The following CCAR1 variants were observed in gnomAD, a reference collection of about 807,000 sequenced individuals.
The protein encoded by CCAR1 is cell division cycle and apoptosis regulator protein 1.
In CCAR1, 78 loss-of-function variants were observed where a neutral mutation model predicts 163.8. That is an observed-to-expected ratio of 0.48 (90% CI 0.40 to 0.57). CCAR1 has a LOEUF of 0.57. Ranked by LOEUF, CCAR1 falls within the 20% of genes least tolerant of loss-of-function variation. The pLI is 0.00. For synonymous variants in CCAR1, 443 were observed against 460.7 expected, an observed-to-expected ratio of 0.96 and a Z score of 0.49; for missense variants, 1,019 against 1,365.2, an observed-to-expected ratio of 0.75 and a Z score of 4.00.
chr10:68,751,273 C>T (rs935635436), intron 10 of CCAR1, among the ~76,000 whole-genome samples: 2 of 151,776 alleles, frequency 1.3e-5, no homozygotes, highest in African/African-American at 2.4e-5. Flanking sequence ...GTGATCCAGT[C>T]GCCTCAGCCT....
intron 19 of CCAR1, among the ~76,000 whole-genome samples, chr10:68,780,226 T>A (rs928677069): frequency 3.3e-5 from 5 of 152,126 alleles, no homozygotes; most frequent in Admixed American, 2.6e-4. Context: ...TTCAAGACAG[T>A]CTTATTCTGT....
In CCAR1 at chr10:68,749,066, A is replaced by G. The variant is rs201076997; in HGVS notation, c.827-70A>G. 4.1e-4 allele frequency: 639 copies of G among 1,571,956 alleles called. 2 individuals are homozygous for G. Among genetic ancestry groups the G allele is most frequent in the Non-Finnish European group, 5.2e-4 (596 of 1,153,080 alleles). ...CTCAGTTATTTAACTTTGTTCCTCT[A>G]ATTTTATCAGGTAATGCCTTCGAAC... On this transcript the variant is annotated intron_variant, in intron 8 of 24. Transcript: ENST00000265872.
intron 17 of CCAR1, among the ~76,000 whole-genome samples, chr10:68,768,564 T>C (rs919670049): frequency 6.6e-6 from 1 of 152,238 alleles, no homozygotes; most frequent in Non-Finnish European, 1.5e-5. Flanking sequence ...TGAGCCAAGA[T>C]TGTGCCACTG....
intron 10 of CCAR1, 37 bp downstream of exon 10, chr10:68,749,722 T>A (rs1475468908): frequency 1.3e-6 from 2 of 1,495,036 alleles, no homozygotes; most frequent in African/African-American, 1.4e-5. Flanking sequence ...CTTGAGTTAC[T>A]AATTTCATAT....
intron 19 of CCAR1, among the ~76,000 whole-genome samples, chr10:68,774,253 A>G (rs1475591363): frequency 6.6e-6 from 1 of 152,106 alleles, no homozygotes. Context: ...GTCTTGAACT[A>G]CTGAGTTCAA....
chr10:68,751,920 G>GTTT (rs1161207615), intron 10 of CCAR1, among the ~76,000 whole-genome samples: 3 of 128,946 alleles, frequency 2.3e-5, no homozygotes, highest in East Asian at 4.6e-4. Context: ...TTTTGTTTTT[G>GTTT]TTTTTTTTTT....
chr10:68,729,866 A>T (rs193113817), intron 2 of CCAR1, among the ~76,000 whole-genome samples: 2 of 152,082 alleles, frequency 1.3e-5, no homozygotes, highest in East Asian at 3.9e-4. Context: ...TCCTGTGTGC[A>T]CCAACATGTT....
At chr10:68,749,770 A>G (rs900350539) in intron 10 of CCAR1, 85 bp downstream of exon 10, 7 of 1,201,526 alleles carry the variant, frequency 5.8e-6, no homozygotes, top group Admixed American at 2.1e-5. Flanking sequence ...TTTTTCTTGC[A>G]AGATTGATTT....
rs917044897 is a variant in CCAR1 at position 68,773,092 on chromosome 10, A to C, written c.2643A>C (p.Glu881Asp). 1 of 1,485,608 alleles carries C rather than the reference A, an allele frequency of 6.7e-7. No homozygotes were observed. The highest frequency in any genetic ancestry group is 1.4e-5 in the African/African-American group (1 of 70,984). The allele number at this position is 1,485,608 out of a possible 1,614,324, so 92.0% of individuals were successfully genotyped here. A position where few individuals can be genotyped will look rare whatever the true frequency, so the allele number is the denominator to read the frequency against. Reference protein sequence around the residue: ...DPMEAEEAEDEEDDRDEEEMT... With the variant: ...DPMEAEEAEDDEDDRDEEEMT... ...TGGAAGCAGAAGAAGCTGAGGATGA[A>C]GAAGATGGTATGATTGAAATTTATT... The change falls in exon 19 of 25, where the codon GAA becomes GAC. Residue 881 changes from glutamate (E) to aspartate (D), a missense_variant. Coordinates refer to ENST00000265872, the MANE Select transcript of CCAR1 (RefSeq NM_018237.4).
At chr10:68,725,227 G>T (rs555571426) in intron 2 of CCAR1, among the ~76,000 whole-genome samples, 3 of 152,224 alleles carry the variant, frequency 2.0e-5, no homozygotes, top group East Asian at 3.9e-4. Context: ...CACTTTGGGA[G>T]GCGGAGGTGG....
At chr10:68,787,599 G>GC (rs1344888961) in intron 21 of CCAR1, among the ~76,000 whole-genome samples, 1 of 152,114 alleles carries the variant, frequency 6.6e-6, no homozygotes, top group Non-Finnish European at 1.5e-5. Flanking sequence ...ACTTTGGGAG[G>GC]CGGAGGAGGG....
At chr10:68,723,894 T>A (rs2055900067) in intron 2 of CCAR1, among the ~76,000 whole-genome samples, 1 of 148,878 alleles carries the variant, frequency 6.7e-6, no homozygotes, top group African/African-American at 2.5e-5. Context: ...CGCGGTGGCT[T>A]GTGCCTGTAA....
At chr10:68,769,373 C>T (rs1048824884) in intron 17 of CCAR1, among the ~76,000 whole-genome samples, 2 of 152,228 alleles carry the variant, frequency 1.3e-5, no homozygotes, top group African/African-American at 4.8e-5. Flanking sequence ...GTAATCCCAG[C>T]ACTTCGGCAG....
Position 68,789,811 on chromosome 10 carries a change from T to TTA in CCAR1, c.3290_3291dup (p.Lys1098Ter). On this transcript the variant is annotated frameshift_variant, in exon 24 of 25. Coordinates refer to ENST00000265872, the MANE Select transcript of CCAR1 (RefSeq NM_018237.4). LOFTEE classifies it high-confidence loss of function. The stretch of plus-strand genomic sequence containing the variant: ...GGACCTTAGTCAGTTACAAGAAAAC[T>TTA]TAAAGATTTCGGAAAACATGAATTT... The TTA allele has an allele frequency of 6.2e-7, 1 of 1,608,332 alleles. No homozygotes were observed. Among genetic ancestry groups the TTA allele is most frequent in the Non-Finnish European group, 8.5e-7 (1 of 1,177,532 alleles).
intron 15 of CCAR1, chr10:68,759,561 CA>C (rs372147658): frequency 1.1e-3 from 153 of 140,474 alleles, no homozygotes; most frequent in Middle Eastern, 3.5e-3. Flanking sequence ...GACTCTCTAC[CA>C]AAAAAAAAAA....
intron 19 of CCAR1, among the ~76,000 whole-genome samples, chr10:68,780,376 A>G (rs1219303030): frequency 6.6e-6 from 1 of 152,130 alleles, no homozygotes; most frequent in Non-Finnish European, 1.5e-5. Context: ...TAAATTTTTT[A>G]TAGAGATGTG....
rs754002027 is a variant in CCAR1 at position 68,740,666 on chromosome 10, G to A, written c.324+5G>A. On this transcript the variant is annotated splice_donor_5th_base_variant and intron_variant, in intron 5 of 24. Transcript: ENST00000265872. The stretch of plus-strand genomic sequence containing the variant: ...CAGCAAACCCTCTTAACACAGGTTA[G>A]TTGGTATTACTTTATTTGTTTTGGA... The A allele has an allele frequency of 6.2e-7, 1 of 1,606,698 alleles. No homozygotes were observed. The highest frequency in any genetic ancestry group is 1.7e-5 in the Admixed American group (1 of 58,966).
At chr10:68,731,591 G>GTT (rs67032408) in intron 2 of CCAR1, among the ~76,000 whole-genome samples, 2,845 of 75,490 alleles carry the variant, frequency 0.038, 91 homozygotes, top group Non-Finnish European at 0.053. Context: ...TCTTGTTTCT[G>GTT]TTTTTTTTTT....
intron 4 of CCAR1, among the ~76,000 whole-genome samples, chr10:68,738,390 T>C (rs571117307): frequency 8.5e-5 from 13 of 152,148 alleles, no homozygotes; most frequent in African/African-American, 2.2e-4. Context: ...ATCACACCAC[T>C]GTACTCCAGC....
Sources: gnomAD v4.1 joint callset for allele counts (sites outside exome capture counted in the v4.1 genomes callset) on GRCh38, gnomAD v4.1.1 for gene constraint, MANE v1.5 for transcripts, NCBI Gene and HGNC (gene_info 2026-07-23, HGNC 2026-07-21) for gene names.